Variants in ARHGAP23 observed in about 807,000 individuals in gnomAD.
ARHGAP23 encodes Rho GTPase activating protein 23.
In ARHGAP23, 34 loss-of-function variants were observed where a neutral mutation model predicts 136.3. That is an observed-to-expected ratio of 0.25 (90% confidence interval 0.19 to 0.33). The LOEUF is 0.33. ARHGAP23 is among the 10% of genes least tolerant of loss of function. The pLI, the probability that ARHGAP23 is intolerant of heterozygous loss-of-function variation, is 1.00. For missense variants in ARHGAP23, 1,808 were observed against 2,139.0 expected (o/e 0.85, Z 3.05); for synonymous variants, 832 against 920.5 (o/e 0.90, Z 1.74).
In ARHGAP23 at chr17:38,497,833, G is replaced by A. The variant is rs2040426422; in HGVS notation, c.3318+7G>A. On this transcript the variant is annotated splice_region_variant and intron_variant, in intron 21 of 23. Transcript: ENST00000622683. ...AGAGGACAAGGGAGAGAGAGTAAGT[G>A]ATGCCGCGGGCTGGGCTGGCATGGG... 6.4e-7 allele frequency: 1 copy of A among 1,551,146 alleles called. No individual in the cohort carries two copies. Among genetic ancestry groups the A allele is most frequent in the African/African-American group, 1.4e-5 (1 of 73,038 alleles).
intron 17 of ARHGAP23, among the ~76,000 whole-genome samples, chr17:38,489,187 A>G (rs1404972513): frequency 6.6e-6 from 1 of 152,204 alleles, no homozygotes; most frequent in Non-Finnish European, 1.5e-5. Context: ...GCCGAAAACA[A>G]TTGTTTAAAA....
At chr17:38,493,242 G>A (rs1468759826) in intron 20 of ARHGAP23, among the ~76,000 whole-genome samples, 1 of 143,428 alleles carries the variant, frequency 7.0e-6, no homozygotes. Context: ...TCAGTCTGTC[G>A]CCCACACTGG....
At chr17:38,462,200 G>A (rs2039475468) in intron 3 of ARHGAP23, among the ~76,000 whole-genome samples, 1 of 144,118 alleles carries the variant, frequency 6.9e-6, no homozygotes, top group South Asian at 2.2e-4. Context: ...GATCTGTCTC[G>A]GCCTCCCAAA....
Position 38,498,502 on chromosome 17 carries a change from C to T in ARHGAP23, c.3407C>T (p.Pro1136Leu), listed in dbSNP as rs750858376. The change falls in exon 22 of 24, where the codon CCG (proline) becomes CTG (leucine). Residue 1136 changes from proline (P) to leucine (L), a missense_variant. Pro to Leu is a moderately conservative substitution (Grantham distance 98). Coordinates refer to ENST00000622683, the MANE Select transcript of ARHGAP23 (RefSeq NM_001199417.2). ...GGCAGGACAGTGCCCCCTGGCGACCCGGGGTCAGGTGAGCGCAGGGGCCTG... is the reference window on the plus strand; with the variant it reads ...GGCAGGACAGTGCCCCCTGGCGACCTGGGGTCAGGTGAGCGCAGGGGCCTG... ...NIGRTVPPGD[P>L]GSDSTTCSSA... 76 of 1,547,022 alleles carry T rather than the reference C, an allele frequency of 4.9e-5. 1 individual carries two copies. In the Middle Eastern group the frequency reaches 6.9e-4, roughly 14 times the overall value.
intron 23 of ARHGAP23, 70 bp downstream of exon 23, chr17:38,500,698 G>A (rs976199323): frequency 3.7e-6 from 5 of 1,348,222 alleles, no homozygotes; most frequent in Non-Finnish European, 3.1e-6. Flanking sequence ...TTGTTCAAGG[G>A]AATTGAGGGA....
At chr17:38,461,263 A>G (rs1437985879) in intron 3 of ARHGAP23, among the ~76,000 whole-genome samples, 1 of 152,212 alleles carries the variant, frequency 6.6e-6, no homozygotes, top group East Asian at 1.9e-4. Flanking sequence ...CTCCCAGCCT[A>G]GAACAAGGCA....
intron 1 of ARHGAP23, among the ~76,000 whole-genome samples, chr17:38,448,653 T>G (rs1017904112): frequency 4.7e-5 from 7 of 148,864 alleles, no homozygotes; most frequent in Non-Finnish European, 1.0e-4. Flanking sequence ...TTTTTTTTTT[T>G]TTTTTTTTTT....
chr17:38,495,670 C>G (rs1438732682), intron 20 of ARHGAP23, among the ~76,000 whole-genome samples: 2 of 152,174 alleles, frequency 1.3e-5, no homozygotes, highest in African/African-American at 4.8e-5. Context: ...ATGGCGTATG[C>G]TCAGGCAAGT....
chr17:38,464,452 C>CG (rs1393383552), intron 6 of ARHGAP23, among the ~76,000 whole-genome samples: 2 of 152,232 alleles, frequency 1.3e-5, no homozygotes, highest in African/African-American at 4.8e-5. Context: ...CCCTGGGAGC[C>CG]GCTGTGCTGG....
chr17:38,448,881 C>T (rs1407181131), intron 1 of ARHGAP23, among the ~76,000 whole-genome samples: 4 of 118,886 alleles, frequency 3.4e-5, no homozygotes, highest in African/African-American at 1.3e-4. Flanking sequence ...TTTTTGAGAC[C>T]GGGTCTCACA....
intron 19 of ARHGAP23, 91 bp downstream of exon 19, chr17:38,490,642 A>T: frequency 9.4e-7 from 1 of 1,065,706 alleles, no homozygotes; most frequent in Non-Finnish European, 1.4e-6. Context: ...CAGCAGGTCC[A>T]GTAACTCAGG....
intron 1 of ARHGAP23, among the ~76,000 whole-genome samples, chr17:38,455,505 C>A (rs776622550): frequency 1.3e-5 from 2 of 152,196 alleles, no homozygotes; most frequent in Admixed American, 6.5e-5. Context: ...AGGGAGCAGC[C>A]CCCCCAGGCA....
At chr17:38,426,002 C>T (rs1032867016), upstream of ARHGAP23, among the ~76,000 whole-genome samples, 2 of 151,978 alleles carry the variant, frequency 1.3e-5, no homozygotes, top group African/African-American at 4.8e-5. Flanking sequence ...CCCCCTCCTG[C>T]GGGGTCTGAG....
intron 3 of ARHGAP23, among the ~76,000 whole-genome samples, chr17:38,462,583 G>A (rs1490415795): frequency 6.6e-6 from 1 of 152,156 alleles, no homozygotes; most frequent in African/African-American, 2.4e-5. Context: ...GTAGTTTTTA[G>A]CACATGAAGA....
At chr17:38,496,244 C>T (rs1297535740) in intron 20 of ARHGAP23, among the ~76,000 whole-genome samples, 6 of 152,110 alleles carry the variant, frequency 3.9e-5, no homozygotes, top group African/African-American at 1.4e-4. Context: ...GTCTTCCTTC[C>T]ACCACATCTA....
At chr17:38,447,700 A>T (rs1485000081) in intron 1 of ARHGAP23, among the ~76,000 whole-genome samples, 1 of 152,122 alleles carries the variant, frequency 6.6e-6, no homozygotes, top group African/African-American at 2.4e-5. Context: ...CTGATGGAGG[A>T]GGCATAGCTT....
chr17:38,479,806 G>C lies in ARHGAP23; in HGVS notation c.2552G>C (p.Gly851Ala). 6.6e-7 allele frequency: 1 copy of C among 1,526,502 alleles called. No homozygotes were observed. 94.6% of individuals were successfully genotyped at this position (1,526,502 alleles called of 1,614,324 possible). The change falls in exon 14 of 24, where the codon GGG (glycine) becomes GCG (alanine). Residue 851 changes from glycine to alanine, a missense_variant. Physicochemically the swap from Gly to Ala is moderately conservative, Grantham distance 60. Around this residue, in one of 7 missense-constraint regions of ARHGAP23, gnomAD observed 73 missense variants for 82.5 expected, o/e 0.88. Coordinates refer to ENST00000622683, the MANE Select transcript of ARHGAP23 (RefSeq NM_001199417.2). ...DSSPKGSRGL[G>A]GLKSEFLKQS... ...TCCCCCAAAGGCTCTCGCGGCCTGG[G>C]GGGCCTCAAGTCTGAGTTCCTCAAG...
At chr17:38,420,582 AG>A (rs746144843) in intron 1 of ARHGAP23, among the ~76,000 whole-genome samples, 6 of 151,732 alleles carry the variant, frequency 4.0e-5, no homozygotes, top group Non-Finnish European at 8.8e-5. Context: ...GTGGAGGGTG[AG>A]GAGTCGGGGG....
chr17:38,487,025 G>A (rs1305581588), intron 17 of ARHGAP23, among the ~76,000 whole-genome samples: 5 of 152,154 alleles, frequency 3.3e-5, no homozygotes, highest in African/African-American at 9.7e-5. Context: ...AATGCCTAGC[G>A]TTTTCCAGCT....
Sources: gnomAD v4.1 joint callset for allele counts (sites outside exome capture counted in the v4.1 genomes callset) on GRCh38, gnomAD v4.1.1 for gene constraint, gnomAD v4.1.1 regional missense constraint, MANE v1.5 for transcripts, NCBI Gene and HGNC (gene_info 2026-07-23, HGNC 2026-07-21) for gene names.